OTUD7A: variants seen among roughly 807,000 people sequenced by gnomAD.
The protein encoded by OTUD7A is OTU domain-containing protein 7A.
OTUD7A carries 12 observed loss-of-function variants against 65.7 expected under a neutral mutation model. The ratio of observed to expected loss-of-function variants is 0.18; its 90% CI spans 0.12 to 0.30. The LOEUF is 0.30. Among genes scored for constraint, OTUD7A ranks in the 10% least tolerant of loss-of-function variants. The pLI, the probability that OTUD7A is intolerant of heterozygous loss-of-function variation, is 1.00. For missense variants in OTUD7A, 1,148 were observed against 1,304.8 expected, an observed-to-expected ratio of 0.88 and a Z score of 1.85; for synonymous variants, 641 against 586.3, an observed-to-expected ratio of 1.09 and a Z score of -1.35.
chr15:31,544,731 TAGAATA>T (rs1263644997), intron 5 of OTUD7A, among the ~76,000 whole-genome samples: 16 of 151,852 alleles, frequency 1.1e-4, no homozygotes, highest in Non-Finnish European at 2.2e-4. Flanking sequence ...CAATAGCTGG[TAGAATA>T]AGTGGACAAA....
chr15:31,765,451 CT>C (rs1217428382), intron 1 of OTUD7A, among the ~76,000 whole-genome samples: 1 of 152,128 alleles, frequency 6.6e-6, no homozygotes, highest in Non-Finnish European at 1.5e-5. Flanking sequence ...AGTTTAATCC[CT>C]AACACAGCTC....
intron 1 of OTUD7A, among the ~76,000 whole-genome samples, chr15:31,778,611 G>A (rs572926726): frequency 6.6e-6 from 1 of 152,238 alleles, no homozygotes; most frequent in Non-Finnish European, 1.5e-5. Context: ...GCAGGCTACA[G>A]AGTGTTTGAG....
chr15:31,768,738 G>A (rs1241485619), intron 1 of OTUD7A, among the ~76,000 whole-genome samples: 1 of 152,100 alleles, frequency 6.6e-6, no homozygotes, highest in Non-Finnish European at 1.5e-5. Flanking sequence ...AACATAAAGG[G>A]GGTGAAGTAA....
intron 1 of OTUD7A, among the ~76,000 whole-genome samples, chr15:31,804,340 T>C (rs1896212467): frequency 6.6e-6 from 1 of 152,136 alleles, no homozygotes; most frequent in African/African-American, 2.4e-5. Flanking sequence ...GTGCCTACTT[T>C]TATGGTTCAT....
chr15:31,516,282 G>A (rs546233515), intron 8 of OTUD7A, among the ~76,000 whole-genome samples: 10 of 152,312 alleles, frequency 6.6e-5, no homozygotes, highest in East Asian at 5.8e-4. Flanking sequence ...ATAGGATGGC[G>A]GGCCCAGTTG....
chr15:31,544,450 A>G (rs1888073324), intron 5 of OTUD7A, among the ~76,000 whole-genome samples: 1 of 151,622 alleles, frequency 6.6e-6, no homozygotes, highest in Non-Finnish European at 1.5e-5. Flanking sequence ...TGAATATGTG[A>G]TAGAGAACTT....
chr15:31,490,390 TA>T (rs912228727), intron 10 of OTUD7A, among the ~76,000 whole-genome samples: 2 of 151,754 alleles, frequency 1.3e-5, no homozygotes, highest in African/African-American at 4.8e-5. Context: ...ACTTATTTTC[TA>T]AAAAAAAATC....
chr15:31,603,456 A>G lies in OTUD7A; in HGVS notation c.152-33259T>C, dbSNP rs575594928. Among the ~76,000 whole-genome samples the G allele has an allele frequency of 2.0e-5, 3 of 152,372 alleles. No individual in the cohort carries two copies. The East Asian group carries it at 5.8e-4, about 29-fold the overall frequency. Reference sequence around the variant, plus strand: ...ACAAAAATTAACTCAAGATGAATTAAAGACTTAAACGTAAGACCTAAAACC... The same window carrying G: ...ACAAAAATTAACTCAAGATGAATTAGAGACTTAAACGTAAGACCTAAAACC... On this transcript the variant is annotated intron_variant, in intron 3 of 12. Transcript: ENST00000307050.
intron 5 of OTUD7A, among the ~76,000 whole-genome samples, chr15:31,535,871 G>A (rs905515482): frequency 2.6e-4 from 39 of 151,802 alleles, no homozygotes; most frequent in African/African-American, 9.4e-4. Context: ...TAGTAGAGAC[G>A]GGGTTTCACC....
chr15:31,681,604 T>C (rs1892719777), intron 1 of OTUD7A, among the ~76,000 whole-genome samples: 1 of 140,314 alleles, frequency 7.1e-6, no homozygotes, highest in South Asian at 2.2e-4. Context: ...CCTCCCTCCT[T>C]TCCTTTCTCC....
At chr15:31,529,477 C>T (rs760864643) in intron 6 of OTUD7A, among the ~76,000 whole-genome samples, 3 of 152,134 alleles carry the variant, frequency 2.0e-5, no homozygotes, top group Non-Finnish European at 2.9e-5. Flanking sequence ...GAGTGGCCGC[C>T]GCTGGGTGGG....
At chr15:31,734,140 T>C (rs1372769625) in intron 1 of OTUD7A, among the ~76,000 whole-genome samples, 1 of 152,122 alleles carries the variant, frequency 6.6e-6, no homozygotes, top group Non-Finnish European at 1.5e-5. Context: ...ATCAGGAATG[T>C]ACTCCCATTC....
In OTUD7A at chr15:31,503,608, C is replaced by T. The variant is rs189436019; in HGVS notation, c.1021+83G>A. The T allele has an allele frequency of 1.9e-4, 293 of 1,574,202 alleles. 1 individual carries two copies. In the Admixed American group the frequency reaches 3.6e-3, roughly 20 times the overall value. On this transcript the variant is annotated intron_variant, in intron 9 of 12. Transcript: ENST00000307050. ...TGCTTTGTGGCCTCTGGGAGCTCGA[C>T]CTTGTGCTGTGCTATCTGCTTTCTA... is the stretch of plus-strand genomic sequence containing the variant.
chr15:31,847,571 G>A (rs1337745163), intron 1 of OTUD7A, among the ~76,000 whole-genome samples: 1 of 152,132 alleles, frequency 6.6e-6, no homozygotes, highest in Non-Finnish European at 1.5e-5. Flanking sequence ...AAGGCATAAG[G>A]GTTTGCAACA....
chr15:31,857,865 T>C (rs952574243), intron 1 of OTUD7A, among the ~76,000 whole-genome samples: 1 of 152,208 alleles, frequency 6.6e-6, no homozygotes, highest in Non-Finnish European at 1.5e-5. Flanking sequence ...GCCCTCTCTA[T>C]TATAATGTGT....
At chr15:31,538,934 T>C (rs1027459288) in intron 5 of OTUD7A, among the ~76,000 whole-genome samples, 22 of 152,224 alleles carry the variant, frequency 1.4e-4, no homozygotes, top group Non-Finnish European at 3.1e-4. Flanking sequence ...ATGAAGACAG[T>C]ATTTAAAAAT....
At chr15:31,612,897 C>T (rs193040163) in intron 3 of OTUD7A, among the ~76,000 whole-genome samples, 15 of 152,308 alleles carry the variant, frequency 9.8e-5, no homozygotes, top group Non-Finnish European at 2.1e-4. Flanking sequence ...TCAAACTATA[C>T]TTTAAGGCCA....
chr15:31,683,245 AATAAAC>A (rs1291808771), intron 1 of OTUD7A, among the ~76,000 whole-genome samples: 1 of 152,244 alleles, frequency 6.6e-6, no homozygotes, highest in Non-Finnish European at 1.5e-5. Context: ...AAAATAAAAA[AATAAAC>A]ATAAAGGAAA....
rs561543006 is a variant in OTUD7A at position 31,771,981 on chromosome 15, G to A, written c.-100+98526C>T. ...ATATTTTAGAGTGGGGGCCGGGCGC[G>A]GTGGCTCACACCTGTAATCCCAGCA... On this transcript the variant is annotated intron_variant, in intron 1 of 12. Transcript: ENST00000307050. Among the ~76,000 whole-genome samples the A allele has an allele frequency of 6.6e-5, 10 of 152,210 alleles. No homozygotes were observed. In the South Asian group the frequency reaches 1.2e-3, roughly 19 times the overall value.
Sources: gnomAD v4.1 joint callset for allele counts (sites outside exome capture counted in the v4.1 genomes callset) on GRCh38, gnomAD v4.1.1 for gene constraint, MANE v1.5 for transcripts, NCBI Gene and HGNC (gene_info 2026-07-23, HGNC 2026-07-21) for gene names.